The following CADM2 variants were observed in gnomAD, a reference collection of about 807,000 sequenced individuals.
The protein encoded by CADM2 is immunoglobulin superfamily member 4D.
A neutral mutation model predicts 49.8 loss-of-function variants in CADM2; 12 were observed. The observed-to-expected ratio is 0.24, with a 90% CI of 0.15 to 0.39. CADM2 has a LOEUF of 0.39. Among genes scored for constraint, CADM2 ranks in the 10% least tolerant of loss-of-function variants. The pLI, the probability that CADM2 is intolerant of heterozygous loss-of-function variation, is 1.00. For synonymous variants in CADM2, 214 were observed against 175.4 expected, an observed-to-expected ratio of 1.22 and a Z score of -1.74; for missense variants, 378 against 492.3, an observed-to-expected ratio of 0.77 and a Z score of 2.20.
At chr3:85,827,846 G>A (rs2073994437) in intron 3 of CADM2, among the ~76,000 whole-genome samples, 1 of 151,888 alleles carries the variant, frequency 6.6e-6, no homozygotes. Context: ...TCTGTTCCAC[G>A]ATGTCATTCA....
chr3:85,972,421 T>C (rs566178570), intron 8 of CADM2, among the ~76,000 whole-genome samples: 1 of 151,806 alleles, frequency 6.6e-6, no homozygotes, highest in African/African-American at 2.4e-5. Context: ...ACTCTTAGTG[T>C]TTATTTATTC....
intron 8 of CADM2, among the ~76,000 whole-genome samples, chr3:86,016,947 G>T (rs1732327640): frequency 6.6e-6 from 1 of 151,782 alleles, no homozygotes; most frequent in South Asian, 2.1e-4. Context: ...TCTGAACTTT[G>T]AGAATACTTA....
chr3:84,962,722 TAGTG>T lies in CADM2; in HGVS notation c.61+3056_61+3059del, dbSNP rs888098331. ...CTTTTTTTTAGCTTTATCAGCACTA[TAGTG>T]ATATTCACTTAAGTAATACTAATCA... On this transcript the variant is annotated intron_variant, in intron 1 of 9. Transcript: ENST00000383699. 4.6e-5 allele frequency among the ~76,000 whole-genome samples: 7 copies of T among 152,148 alleles called. 1 individual carries two copies. Among genetic ancestry groups the T allele is most frequent in the African/African-American group, 1.7e-4 (7 of 41,422 alleles).
chr3:85,061,535 A>C (rs1203618698), intron 1 of CADM2, among the ~76,000 whole-genome samples: 1 of 152,144 alleles, frequency 6.6e-6, no homozygotes, highest in Non-Finnish European at 1.5e-5. Context: ...ATTCCTAACT[A>C]TCCTATTTCC....
At chr3:86,053,238 A>T (rs996412227) in intron 8 of CADM2, among the ~76,000 whole-genome samples, 2 of 152,182 alleles carry the variant, frequency 1.3e-5, no homozygotes, top group Admixed American at 6.5e-5. Flanking sequence ...TTCATTTTTT[A>T]TTATATCCTA....
chr3:85,077,998 T>C (rs190143803), intron 1 of CADM2, among the ~76,000 whole-genome samples: 4 of 152,118 alleles, frequency 2.6e-5, no homozygotes, highest in Admixed American at 2.6e-4. Flanking sequence ...CTTTATAACT[T>C]TTTGCTCCAT....
Position 85,651,008 on chromosome 3 carries a change from C to T in CADM2, c.62-75514C>T, listed in dbSNP as rs550926251. ...CTACCATTTTCCGCACCCCCAAAAACGTATTGAATGTGGTCCACCTAGGTC... is the reference window on the plus strand; with the variant it reads ...CTACCATTTTCCGCACCCCCAAAAATGTATTGAATGTGGTCCACCTAGGTC... On this transcript the variant is annotated intron_variant, in intron 1 of 9. Transcript: ENST00000383699. 3.3e-5 allele frequency among the ~76,000 whole-genome samples: 5 copies of T among 150,264 alleles called. No homozygotes were observed. In the East Asian group the frequency reaches 7.9e-4, roughly 24 times the overall value.
At chr3:86,056,119 T>C (rs1205409618) in intron 8 of CADM2, among the ~76,000 whole-genome samples, 1 of 152,166 alleles carries the variant, frequency 6.6e-6, no homozygotes, top group East Asian at 1.9e-4. Context: ...CTTCCTCCTG[T>C]TATCACACAG....
intron 1 of CADM2, among the ~76,000 whole-genome samples, chr3:85,485,251 T>G (rs2039371147): frequency 6.6e-6 from 1 of 151,920 alleles, no homozygotes; most frequent in Non-Finnish European, 1.5e-5. Flanking sequence ...TGTGATGTAT[T>G]TAAAAAATTA....
intron 1 of CADM2, among the ~76,000 whole-genome samples, chr3:85,034,084 T>C (rs1209903649): frequency 6.6e-6 from 1 of 152,144 alleles, no homozygotes; most frequent in East Asian, 1.9e-4. Context: ...AAATGAAGTG[T>C]CCATCAACTC....
chr3:85,769,272 T>C (rs199862775), intron 2 of CADM2, among the ~76,000 whole-genome samples: 3,220 of 38,280 alleles, frequency 0.084, 88 homozygotes, highest in East Asian at 0.18. Flanking sequence ...TACACATATA[T>C]ACATATATAC....
chr3:85,320,847 C>T (rs993692338), intron 1 of CADM2, among the ~76,000 whole-genome samples: 29 of 151,200 alleles, frequency 1.9e-4, no homozygotes, highest in African/African-American at 6.8e-4. Flanking sequence ...TTTCAGATAC[C>T]AGTTATTGTG....
chr3:85,830,846 C>CTTCTA (rs1322034384), intron 3 of CADM2, among the ~76,000 whole-genome samples: 1 of 123,544 alleles, frequency 8.1e-6, no homozygotes, highest in Non-Finnish European at 1.8e-5. Flanking sequence ...TATTTATAAA[C>CTTCTA]TTCTATTACA....
chr3:85,122,036 T>G (rs1179597354), intron 1 of CADM2, among the ~76,000 whole-genome samples: 1 of 151,982 alleles, frequency 6.6e-6, no homozygotes, highest in Non-Finnish European at 1.5e-5. Flanking sequence ...TTTTTTTTTG[T>G]CAACAGCTAC....
At chr3:85,810,846 C>A (rs572747250) in intron 3 of CADM2, among the ~76,000 whole-genome samples, 1 of 152,184 alleles carries the variant, frequency 6.6e-6, no homozygotes, top group South Asian at 2.1e-4. Context: ...GGCCTCATAG[C>A]CTTCTTAAAG....
chr3:85,858,899 C>CT (rs1475607025), intron 3 of CADM2, among the ~76,000 whole-genome samples: 1 of 152,086 alleles, frequency 6.6e-6, no homozygotes, highest in Non-Finnish European at 1.5e-5. Flanking sequence ...ACAAAACAGC[C>CT]TATATGATAG....
At chr3:85,587,855 C>T (rs1446486950) in intron 1 of CADM2, among the ~76,000 whole-genome samples, 2 of 151,970 alleles carry the variant, frequency 1.3e-5, no homozygotes, top group Non-Finnish European at 2.9e-5. Flanking sequence ...AGCTATCCTC[C>T]CACCTCAGCA....
intron 1 of CADM2, among the ~76,000 whole-genome samples, chr3:85,507,922 G>A: frequency 1.1e-5 from 1 of 93,914 alleles, no homozygotes; most frequent in East Asian, 1.5e-3. Context: ...TACCTGAGTT[G>A]TAAAAAACTA....
At chr3:85,810,826 C>T (rs1045324511) in intron 3 of CADM2, among the ~76,000 whole-genome samples, 2 of 152,154 alleles carry the variant, frequency 1.3e-5, no homozygotes, top group Admixed American at 1.3e-4. Context: ...AGGCGTGAAC[C>T]ACCATGCCTG....
Sources: allele counts gnomAD v4.1 joint callset (sites outside exome capture counted in the v4.1 genomes callset), GRCh38; gene constraint gnomAD v4.1.1; transcripts MANE v1.5; gene names NCBI Gene and HGNC (gene_info 2026-07-23, HGNC 2026-07-21).